The following DCD variants were observed in gnomAD, a reference collection of about 807,000 sequenced individuals.
DCD encodes the protein dermcidin.
In DCD, 17 loss-of-function variants were observed where a neutral mutation model predicts 14.5. That is an observed-to-expected ratio of 1.18 (90% CI 0.81 to 1.76). DCD has a LOEUF of 1.76. DCD is among the 40% of genes most tolerant of loss of function. The pLI is 0.00. For missense variants in DCD, 139 were observed against 133.4 expected (o/e 1.04, Z -0.21); for synonymous variants, 64 against 54.0 (o/e 1.19, Z -0.82).
chr12:54,644,641 T>TA lies in DCD; in HGVS notation c.*71_*72insT. On this transcript the variant is annotated 3_prime_UTR_variant, in exon 5 of 5. Coordinates refer to ENST00000293371, the MANE Select transcript of DCD (RefSeq NM_053283.4). ...TGTTTTAAATTTTTTTTTTTTTTTT[T>TA]TTTTTTAGGTTTTAGGCTGAAGACG... The TA allele has an allele frequency of 9.8e-7, 1 of 1,020,416 alleles. No individual in the cohort carries two copies. Among genetic ancestry groups the TA allele is most frequent in the Non-Finnish European group, 1.4e-6 (1 of 709,812 alleles). The allele number at this position is 1,020,416 out of a possible 1,614,324, so 63.2% of individuals were successfully genotyped here.
chr12:54,647,273 A>G, intron 1 of DCD, 114 bp from the exon 2 acceptor site: 2 of 996,746 alleles, frequency 2.0e-6, no homozygotes, highest in Non-Finnish European at 2.9e-6. Flanking sequence ...GGCAGTGGAC[A>G]GACAGGAGAG....
At chr12:54,645,775 T>A in intron 2 of DCD, 68 bp from the exon 3 acceptor site, 1 of 1,387,204 alleles carries the variant, frequency 7.2e-7, no homozygotes, top group Non-Finnish European at 1.0e-6. Flanking sequence ...GGGGAGCAGG[T>A]GGTGCTTTTA....
chr12:54,646,327 CT>C (rs1347212095), intron 2 of DCD, among the ~76,000 whole-genome samples: 1 of 152,020 alleles, frequency 6.6e-6, no homozygotes, highest in African/African-American at 2.4e-5. Flanking sequence ...TACAGTTTAT[CT>C]TTCTGCCGTT....
At chr12:54,646,003 G>C (rs1352405669) in intron 2 of DCD, 1 of 474,626 alleles carries the variant, frequency 2.1e-6, no homozygotes, top group African/African-American at 2.0e-5. Flanking sequence ...ACTCCCCCTA[G>C]TTTTCATCCC....
intron 1 of DCD, among the ~76,000 whole-genome samples, chr12:54,647,436 A>G (rs1245784710): frequency 6.6e-6 from 1 of 152,220 alleles, no homozygotes; most frequent in Non-Finnish European, 1.5e-5. Flanking sequence ...TAGATGTCCA[A>G]GTTTCATAAT....
intron 4 of DCD, chr12:54,644,964 G>T (rs932226321): frequency 6.5e-7 from 1 of 1,547,032 alleles, no homozygotes; most frequent in South Asian, 1.2e-5. Flanking sequence ...AGGGGCAGGG[G>T]GCAAGAGCAA....
rs1184443145 is a variant in DCD at position 54,645,376 on chromosome 12, C to A, written c.200-114G>T. Reference sequence around the variant, plus strand: ...GCACCCCTAAGGTGAAGTGGTTTTGCTGAAGGAACCAACTTCTCTGTCATG... The same window carrying A: ...GCACCCCTAAGGTGAAGTGGTTTTGATGAAGGAACCAACTTCTCTGTCATG... On this transcript the variant is annotated intron_variant, in intron 3 of 4. Transcript: ENST00000293371. 4.6e-6 allele frequency: 5 copies of A among 1,081,800 alleles called. No homozygotes were observed. In the African/African-American group the frequency reaches 6.3e-5, roughly 14 times the overall value. The allele number at this position is 1,081,800 out of a possible 1,614,324, so 67.0% of individuals were successfully genotyped here.
chr12:54,645,119 C>T, intron 4 of DCD, 54 bp downstream of exon 4: 2 of 1,584,572 alleles, frequency 1.3e-6, no homozygotes, highest in South Asian at 1.1e-5. Flanking sequence ...AGATCTCATG[C>T]AAGGGGTGGA....
chr12:54,647,085 C>T (rs1044712360), intron 2 of DCD, 36 bp downstream of exon 2: 16 of 1,549,972 alleles, frequency 1.0e-5, no homozygotes, highest in African/African-American at 1.4e-5. Context: ...AACCCTCCCA[C>T]CCAGGACTGG....
chr12:54,644,688 A>G lies in DCD; in HGVS notation c.*25T>C, dbSNP rs747340822. ...GACGTAAAGCCTGCTGCTCCTGGGT[A>G]TCATTTCTCAGCTTCTCCTTACAGC... On this transcript the variant is annotated 3_prime_UTR_variant, in exon 5 of 5. Coordinates refer to ENST00000293371, the MANE Select transcript of DCD (RefSeq NM_053283.4). 5.5e-6 allele frequency: 8 copies of G among 1,459,410 alleles called. No homozygotes were observed. The East Asian group carries it at 1.4e-4, about 25-fold the overall frequency. The allele number at this position is 1,459,410 out of a possible 1,614,324, so 90.4% of individuals were successfully genotyped here. A position where few individuals can be genotyped will look rare whatever the true frequency, so the allele number is the denominator to read the frequency against.
At chr12:54,645,052 G>C in intron 4 of DCD, 121 bp downstream of exon 4, 1 of 1,481,114 alleles carries the variant, frequency 6.8e-7, no homozygotes, top group Admixed American at 1.9e-5. Flanking sequence ...ATGAGGAATT[G>C]GAGACATTTG....
At chr12:54,647,327 A>G (rs1338016808) in intron 1 of DCD, among the ~76,000 whole-genome samples, 168 bp from the exon 2 acceptor site, 1 of 152,238 alleles carries the variant, frequency 6.6e-6, no homozygotes, top group Non-Finnish European at 1.5e-5. Context: ...GCTTTTTGGT[A>G]TCTCAACCAA....
rs200905618 is a variant in DCD, at chr12:54,645,249, G to T, written c.213C>A (p.Asp71Glu). Reference protein sequence around the residue: ...QRSSLLEKGLDGAKKAVGGLG... With the variant: ...QRSSLLEKGLEGAKKAVGGLG... ...GTCCCCCCACAGCTTTTTTTGCTCC[G>T]TCTAGGCCTTTTTCTAGGGTGGATT... The change falls in exon 4 of 5, where the codon GAC (aspartate) becomes GAA (glutamate). Residue 71 changes from aspartate (D) to glutamate (E), a missense_variant. Asp to Glu is a conservative substitution (Grantham distance 45, BLOSUM62 2). Coordinates refer to ENST00000293371, the MANE Select transcript of DCD (RefSeq NM_053283.4). 1 of 1,613,840 alleles carries T rather than the reference G, an allele frequency of 6.2e-7. No homozygotes were observed. Among genetic ancestry groups the T allele is most frequent in the South Asian group, 1.1e-5 (1 of 91,072 alleles).
rs1958239068 is a variant in DCD, at chr12:54,644,674, T to G, written c.*39A>C. ...GGTTTTAGGCTGAAGACGTAAAGCC[T>G]GCTGCTCCTGGGTATCATTTCTCAG... is the stretch of plus-strand genomic sequence containing the variant. On this transcript the variant is annotated 3_prime_UTR_variant, in exon 5 of 5. Transcript: ENST00000293371. 2 of 1,336,774 alleles carry G rather than the reference T, an allele frequency of 1.5e-6. No individual in the cohort carries two copies. Among genetic ancestry groups the G allele is most frequent in the African/African-American group, 1.5e-5 (1 of 67,844 alleles). 82.8% of individuals were successfully genotyped at this position (1,336,774 alleles called of 1,614,324 possible). A position where few individuals can be genotyped will look rare whatever the true frequency, so the allele number is the denominator to read the frequency against.
In DCD at chr12:54,645,268, G is replaced by T. The variant is rs1390382867; in HGVS notation, c.200-6C>A. The T allele has an allele frequency of 6.2e-7, 1 of 1,613,444 alleles. No individual in the cohort carries two copies. The highest frequency in any genetic ancestry group is 8.5e-7 in the Non-Finnish European group (1 of 1,179,574). On this transcript the variant is annotated splice_polypyrimidine_tract_variant and splice_region_variant and intron_variant, in intron 3 of 4. Coordinates refer to ENST00000293371, the MANE Select transcript of DCD (RefSeq NM_053283.4). ...TGCTCCGTCTAGGCCTTTTTCTAGG[G>T]TGGATTCAGAAAAGAAGAGGTCATA...
chr12:54,647,994 A>C (rs185804885), intron 1 of DCD, among the ~76,000 whole-genome samples: 1 of 152,342 alleles, frequency 6.6e-6, no homozygotes, highest in Admixed American at 6.5e-5. Context: ...AAAGAATGCC[A>C]GAGTGGTTGG....
At chr12:54,648,103 G>A in intron 1 of DCD, 143 bp downstream of exon 1, 1 of 865,086 alleles carries the variant, frequency 1.2e-6, no homozygotes, top group East Asian at 2.7e-5. Context: ...GTCCCTGTGT[G>A]GAGAACCTAG....
intron 1 of DCD, among the ~76,000 whole-genome samples, chr12:54,647,962 T>C (rs1344391299): frequency 1.3e-5 from 2 of 152,058 alleles, no homozygotes; most frequent in Admixed American, 6.6e-5. Flanking sequence ...CAGTGGGAAA[T>C]GGCTTGGTTC....
chr12:54,644,884 A>C (rs1958243918), intron 4 of DCD, 128 bp from the exon 5 acceptor site: 2 of 1,551,142 alleles, frequency 1.3e-6, no homozygotes, highest in Non-Finnish European at 1.7e-6. Context: ...AGGTGCTTAC[A>C]CAGAAGTCAG....
Sources: gnomAD v4.1 joint callset for allele counts (sites outside exome capture counted in the v4.1 genomes callset) on GRCh38, gnomAD v4.1.1 for gene constraint, MANE v1.5 for transcripts, NCBI Gene and HGNC (gene_info 2026-07-23, HGNC 2026-07-21) for gene names.